Variants in PRDX3 observed in about 807,000 individuals in gnomAD.
PRDX3 encodes thioredoxin-dependent peroxide reductase, mitochondrial.
Under a neutral mutation model 30.4 loss-of-function variants are expected in PRDX3, and 20 were observed. That is an observed-to-expected ratio of 0.66 (90% CI 0.46 to 0.96). The LOEUF is 0.96. PRDX3 is among the 40% of genes least tolerant of loss of function. PRDX3 has a pLI of 0.00. For synonymous variants in PRDX3, 124 were observed against 117.8 expected, an observed-to-expected ratio of 1.05 and a Z score of -0.34; for missense variants, 322 against 318.3, an observed-to-expected ratio of 1.01 and a Z score of -0.09.
chr10:119,174,994 C>T (rs964200859), intron 2 of PRDX3, among the ~76,000 whole-genome samples: 2 of 152,152 alleles, frequency 1.3e-5, no homozygotes, highest in African/African-American at 2.4e-5. Flanking sequence ...TTTTTCCCTC[C>T]CAATATTTTC....
Position 119,171,165 on chromosome 10 carries a change from C to A in PRDX3, c.551+1217G>T, listed in dbSNP as rs544309269. The stretch of plus-strand genomic sequence containing the variant: ...ACGCCATTCTCCTGCCTCAGCCTCC[C>A]GAGTAGCTGGGACTACAGGCGCCCA... On this transcript the variant is annotated intron_variant, in intron 5 of 6. Transcript: ENST00000298510. 3.9e-5 allele frequency among the ~76,000 whole-genome samples: 6 copies of A among 152,090 alleles called. No individual in the cohort carries two copies. In the South Asian group the frequency reaches 1.2e-3, roughly 32 times the overall value.
intron 6 of PRDX3, 56 bp from the exon 7 acceptor site, chr10:119,168,589 A>G: frequency 6.3e-7 from 1 of 1,591,964 alleles, no homozygotes; most frequent in Admixed American, 1.9e-5. Context: ...TAATAGTCCC[A>G]AAAGTGAGTG....
chr10:119,172,562 C>T lies in PRDX3; in HGVS notation c.448-77G>A, dbSNP rs1847930470. Reference sequence around the variant, plus strand: ...TGACCACGTACCACAATGTTTGAGACCAACAGTAACGGCGATAGGTAACAG... The same window carrying T: ...TGACCACGTACCACAATGTTTGAGATCAACAGTAACGGCGATAGGTAACAG... On this transcript the variant is annotated intron_variant, in intron 4 of 6. Coordinates refer to ENST00000298510, the MANE Select transcript of PRDX3 (RefSeq NM_006793.5). The T allele has an allele frequency of 1.1e-5, 13 of 1,169,448 alleles. No individual in the cohort carries two copies. The South Asian group carries it at 1.3e-4, about 12-fold the overall frequency. The allele number at this position is 1,169,448 out of a possible 1,614,324, so 72.4% of individuals were successfully genotyped here.
At chr10:119,175,455 G>T (rs988620459) in intron 2 of PRDX3, among the ~76,000 whole-genome samples, 14 of 152,206 alleles carry the variant, frequency 9.2e-5, no homozygotes, top group African/African-American at 3.4e-4. Flanking sequence ...GAGTGCAGTG[G>T]CACAATCTCA....
intron 1 of PRDX3, among the ~76,000 whole-genome samples, chr10:119,178,029 G>A (rs1360054395): frequency 2.6e-5 from 4 of 151,344 alleles, no homozygotes; most frequent in African/African-American, 9.7e-5. Context: ...CACCATGCCC[G>A]GCTATTTTTT....
chr10:119,168,759 C>T (rs1050879073), intron 6 of PRDX3, among the ~76,000 whole-genome samples: 2 of 152,010 alleles, frequency 1.3e-5, no homozygotes, highest in African/African-American at 2.4e-5. Flanking sequence ...GGGTGGATCA[C>T]GAGGTCAGGA....
intron 5 of PRDX3, 197 bp from the exon 6 acceptor site, chr10:119,169,539 G>A: frequency 7.8e-6 from 4 of 514,290 alleles, no homozygotes; most frequent in Non-Finnish European, 1.0e-5. Context: ...AACAAAGGCA[G>A]TACTGGACCA....
intron 1 of PRDX3, 48 bp from the exon 2 acceptor site, chr10:119,177,201 G>A: frequency 6.2e-7 from 1 of 1,601,898 alleles, no homozygotes. Flanking sequence ...ACTGGTGACT[G>A]AAGGCTGAAA....
rs1437245724 is a variant in PRDX3, at chr10:119,177,028, G to A, written c.162C>T (p.Phe54=). 6.2e-7 allele frequency: 1 copy of A among 1,614,094 alleles called. No homozygotes were observed. Among genetic ancestry groups the A allele is most frequent in the Non-Finnish European group, 8.5e-7 (1 of 1,179,964 alleles). The change falls in exon 2 of 7, where the codon TTC becomes TTT. Residue 54 remains phenylalanine (F), a synonymous_variant. Transcript: ENST00000298510. ...ACATGACATAACACTTACTGGTGCTGAATAATTTTGCTTGACTGGAACCAG... is the reference window on the plus strand; with the variant it reads ...ACATGACATAACACTTACTGGTGCTAAATAATTTTGCTTGACTGGAACCAG... The part of the protein sequence containing the change: ...LCSGSSQAKL[F]STSSSCHAPA...
chr10:119,172,593 C>T, intron 4 of PRDX3, 108 bp from the exon 5 acceptor site: 2 of 905,212 alleles, frequency 2.2e-6, no homozygotes, highest in Non-Finnish European at 3.6e-6. Context: ...AACAGTAATT[C>T]AACAACGGGC....
chr10:119,175,360 G>C lies in PRDX3; in HGVS notation c.170-768C>G, dbSNP rs35326250. On this transcript the variant is annotated intron_variant, in intron 2 of 6. Transcript: ENST00000298510. ...AATGGTTGAAGGCCATGTTGCAACA[G>C]TCCTTAAATACTAGGCTGCTGGGTC... Among the ~76,000 whole-genome samples the C allele has an allele frequency of 1.9e-3, 292 of 152,330 alleles. 6 individuals are homozygous for C. In the East Asian group the frequency reaches 0.034, roughly 18 times the overall value.
At chr10:119,168,695 A>C (rs1847824256) in intron 6 of PRDX3, among the ~76,000 whole-genome samples, 162 bp from the exon 7 acceptor site, 1 of 150,534 alleles carries the variant, frequency 6.6e-6, no homozygotes, top group Non-Finnish European at 1.5e-5. Flanking sequence ...GCCTGTCTCT[A>C]GGCCGGGCAC....
intron 2 of PRDX3, among the ~76,000 whole-genome samples, chr10:119,175,703 G>A (rs1304285289): frequency 6.6e-6 from 1 of 151,884 alleles, no homozygotes; most frequent in Non-Finnish European, 1.5e-5. Context: ...CTGAGATGGG[G>A]GTTTTTAGGA....
intron 3 of PRDX3, 126 bp downstream of exon 3, chr10:119,174,325 A>G: frequency 8.5e-7 from 1 of 1,178,212 alleles, no homozygotes; most frequent in East Asian, 2.5e-5. Context: ...CAAGGCCATC[A>G]GTGATAAAGG....
chr10:119,174,203 G>A (rs1847974926), intron 3 of PRDX3, among the ~76,000 whole-genome samples: 1 of 152,060 alleles, frequency 6.6e-6, no homozygotes, highest in African/African-American at 2.4e-5. Context: ...TCATAGACTG[G>A]CTTAGGGAAG....
chr10:119,173,824 G>A lies in PRDX3; in HGVS notation c.360C>T (p.Asn120=), dbSNP rs753236460. 10 of 1,611,820 alleles carry A rather than the reference G, an allele frequency of 6.2e-6. No homozygotes were observed. In the South Asian group the frequency reaches 7.7e-5, roughly 12 times the overall value. ...CTTCACAGTTCACGTCGTGAAATTC[G>A]TTAGCTTTGTCACTAAAAGCAACAA... ...TEIVAFSDKA[N]EFHDVNCEVV... Residue 120 remains asparagine (N), a synonymous_variant, in exon 4 of 7, where the codon AAC becomes AAT. Transcript: ENST00000298510.
chr10:119,171,075 C>G (rs1847896040), intron 5 of PRDX3: 1 of 153,790 alleles, frequency 6.5e-6, no homozygotes, highest in South Asian at 2.1e-4. Flanking sequence ...GAGTCTTGCT[C>G]TGTCGCCCAG....
At chr10:119,176,633 T>C (rs1328561129) in intron 2 of PRDX3, among the ~76,000 whole-genome samples, 1 of 152,152 alleles carries the variant, frequency 6.6e-6, no homozygotes, top group African/African-American at 2.4e-5. Flanking sequence ...TTACACAGGT[T>C]TGAATCTTAG....
chr10:119,171,831 T>A (rs546230041), intron 5 of PRDX3, among the ~76,000 whole-genome samples: 1 of 152,334 alleles, frequency 6.6e-6, no homozygotes, highest in East Asian at 1.9e-4. Flanking sequence ...AAGGATTGTT[T>A]GGTTCCAGGG....
Sources: allele counts gnomAD v4.1 joint callset (sites outside exome capture counted in the v4.1 genomes callset), GRCh38; gene constraint gnomAD v4.1.1; transcripts MANE v1.5; gene names NCBI Gene and HGNC (gene_info 2026-07-23, HGNC 2026-07-21).